TGM1: variants seen among roughly 807,000 people sequenced by gnomAD.
The protein encoded by TGM1 is protein-glutamine gamma-glutamyltransferase K.
Under a neutral mutation model 88.7 loss-of-function variants are expected in TGM1, and 63 were observed. That is an observed-to-expected ratio of 0.71 (90% CI 0.58 to 0.88). The LOEUF (loss-of-function observed/expected upper bound fraction) is 0.88, where lower values mean the gene tolerates loss of function less well. Ranked by LOEUF, TGM1 falls within the 40% of genes least tolerant of loss-of-function variation. The pLI is 0.00. For missense variants in TGM1, 996 were observed against 1,118.0 expected, an observed-to-expected ratio of 0.89 and a Z score of 1.56; for synonymous variants, 415 against 431.1, an observed-to-expected ratio of 0.96 and a Z score of 0.46.
At chr14:24,252,785 A>G (rs2040712718) in intron 14 of TGM1, among the ~76,000 whole-genome samples, 1 of 152,140 alleles carries the variant, frequency 6.6e-6, no homozygotes. Context: ...TCCCCACCCC[A>G]AGCCATTGTT....
chr14:24,250,811 G>A (rs1439068891), intron 14 of TGM1, among the ~76,000 whole-genome samples: 1 of 152,176 alleles, frequency 6.6e-6, no homozygotes, highest in East Asian at 1.9e-4. Context: ...GTGCCTGTGG[G>A]AATTTGTCCT....
intron 14 of TGM1, among the ~76,000 whole-genome samples, chr14:24,252,418 G>A (rs2040708686): frequency 6.6e-6 from 1 of 152,240 alleles, no homozygotes; most frequent in African/African-American, 2.4e-5. Flanking sequence ...AAGGCCTGGT[G>A]GGGCTGCTGA....
chr14:24,262,445 A>G, intron 1 of TGM1, 91 bp from the exon 2 acceptor site: 1 of 1,367,836 alleles, frequency 7.3e-7, no homozygotes, highest in Non-Finnish European at 1.0e-6. Context: ...ATTCAGTCCC[A>G]CCCGATGACC....
chr14:24,259,968 A>G lies in TGM1; in HGVS notation c.848T>C (p.Ile283Thr), dbSNP rs1262431048. 6.2e-7 allele frequency: 1 copy of G among 1,614,102 alleles called. No homozygotes were observed. The highest frequency in any genetic ancestry group is 2.2e-5 in the East Asian group (1 of 44,882). ...GCCGTAGTTCCAGGTCCGCTCACCA[A>G]TCTGTGCTTCGGTCCCGTAGTAAAT... Reference protein sequence around the residue: ...GRIYYGTEAQIGERTWNYGQF... With the variant: ...GRIYYGTEAQTGERTWNYGQF... Residue 283 changes from isoleucine (I) to threonine (T), a missense_variant, in exon 5 of 15, where the codon ATT becomes ACT. Ile to Thr is a moderately conservative substitution (Grantham distance 89, BLOSUM62 -1). Transcript: ENST00000206765. This position sits in a 1 kb window ranked among gnomAD's most constrained non-coding sequence, Gnocchi z 5.7.
rs755121925 is a variant in TGM1 at position 24,255,691 on chromosome 14, G to C, written c.1492-174C>G. Among the ~76,000 whole-genome samples the C allele has an allele frequency of 1.3e-4, 20 of 152,206 alleles. No homozygotes were observed. The highest frequency in any genetic ancestry group is 2.4e-4 in the Non-Finnish European group (16 of 68,044). On this transcript the variant is annotated intron_variant, in intron 10 of 14. Coordinates refer to ENST00000206765, the MANE Select transcript of TGM1 (RefSeq NM_000359.3). This position sits in a 1 kb window ranked among gnomAD's most constrained non-coding sequence, Gnocchi z 4.0. ...TTCCAAGACGAGCCAGACGAGGCCA[G>C]AGTGCAGGGAAGAAGCTGGTCTGGG...
At chr14:24,251,050 T>C (rs1008068661) in intron 14 of TGM1, among the ~76,000 whole-genome samples, 1 of 152,220 alleles carries the variant, frequency 6.6e-6, no homozygotes, top group African/African-American at 2.4e-5. Context: ...ACTTGTTAGC[T>C]GTGAGGCTTA....
In TGM1 at chr14:24,254,048, C is replaced by G. The variant is rs150738130; in HGVS notation, c.2225+104G>C. On this transcript the variant is annotated intron_variant, in intron 14 of 14. Transcript: ENST00000206765. ...CCCAACCTGCTTGGTTGGGTCCTGA[C>G]AGAACATACTTGTCCAGACAGAGAG... 1.9e-4 allele frequency: 281 copies of G among 1,516,196 alleles called. 1 individual carries two copies. In the East Asian group the frequency reaches 6.8e-3, roughly 37 times the overall value. 93.9% of individuals were successfully genotyped at this position (1,516,196 alleles called of 1,614,324 possible). A position where few individuals can be genotyped will look rare whatever the true frequency, so the allele number is the denominator to read the frequency against.
chr14:24,252,805 G>T (rs990645804), intron 14 of TGM1, among the ~76,000 whole-genome samples: 1 of 152,166 alleles, frequency 6.6e-6, no homozygotes, highest in Non-Finnish European at 1.5e-5. Context: ...TCTTTCTCAG[G>T]AACTCGCTGT....
chr14:24,252,748 G>A (rs966874738), intron 14 of TGM1, among the ~76,000 whole-genome samples: 1 of 152,146 alleles, frequency 6.6e-6, no homozygotes, highest in African/African-American at 2.4e-5. Context: ...AAGTGGGCAG[G>A]GGGTCCTCTG....
rs770553130 is a variant in TGM1 at position 24,254,304 on chromosome 14, G to T, written c.2089-16C>A. On this transcript the variant is annotated splice_polypyrimidine_tract_variant and intron_variant, in intron 13 of 14. Coordinates refer to ENST00000206765, the MANE Select transcript of TGM1 (RefSeq NM_000359.3). ...CTCCCAGTAACTGAGAGAAAAAGAG[G>T]CCCATCCCCCACGTCAGAGACCCTG... The T allele has an allele frequency of 6.2e-7, 1 of 1,613,922 alleles. No homozygotes were observed. The highest frequency in any genetic ancestry group is 1.1e-5 in the South Asian group (1 of 91,052).
In TGM1 at chr14:24,261,730, T is replaced by G; in HGVS notation, c.473A>C (p.Glu158Ala). The change falls in exon 3 of 15, where the codon GAA becomes GCA. Residue 158 changes from glutamate to alanine, a missense_variant. Coordinates refer to ENST00000206765, the MANE Select transcript of TGM1 (RefSeq NM_000359.3). ...CTCAAGGGTGATGCGATCAGAGGAT[T>G]CATAGGTCCGGGACAGGAGGAGGAG... Reference protein sequence around the residue: ...HMLLLLSRTYESSDRITLELL... With the variant: ...HMLLLLSRTYASSDRITLELL... The G allele has an allele frequency of 6.2e-7, 1 of 1,614,036 alleles. No individual in the cohort carries two copies.
chr14:24,259,709 C>T lies in TGM1; in HGVS notation c.979G>A (p.Ala327Thr). Residue 327 changes from alanine to threonine, a missense_variant, in exon 6 of 15, where the codon GCC becomes ACC. Physicochemically the swap from Ala to Thr is moderately conservative, Grantham distance 58 (BLOSUM62 0). Coordinates refer to ENST00000206765, the MANE Select transcript of TGM1 (RefSeq NM_000359.3). This position sits in a 1 kb window ranked among gnomAD's most constrained non-coding sequence, Gnocchi z 5.7. ...DPVNVSRVIS[A>T]MVNSLDDNGV... ...AGAGATGTGAGGGTGCTCACCATGGCAGAGATGACCCGGGAGACATTGACT... is the reference window on the plus strand; with the variant it reads ...AGAGATGTGAGGGTGCTCACCATGGTAGAGATGACCCGGGAGACATTGACT... The T allele has an allele frequency of 1.2e-6, 2 of 1,610,458 alleles. No individual in the cohort carries two copies. Among genetic ancestry groups the T allele is most frequent in the Non-Finnish European group, 1.7e-6 (2 of 1,178,572 alleles).
At chr14:24,254,127 G>A (rs1335951400) in intron 14 of TGM1, 25 bp downstream of exon 14, 1 of 1,602,208 alleles carries the variant, frequency 6.2e-7, no homozygotes, top group Non-Finnish European at 8.5e-7. Flanking sequence ...GTGGAAGCAG[G>A]GGTAGGGGGA....
intron 9 of TGM1, among the ~76,000 whole-genome samples, chr14:24,257,672 G>A (rs1263930806): frequency 6.6e-6 from 1 of 152,158 alleles, no homozygotes; most frequent in African/African-American, 2.4e-5. Flanking sequence ...CCTTTGGAGT[G>A]GGTCAAAAAA....
rs1345886387 is a variant in TGM1, at chr14:24,256,612, G to A, written c.1403-535C>T. On this transcript the variant is annotated intron_variant, in intron 9 of 14. Coordinates refer to ENST00000206765, the MANE Select transcript of TGM1 (RefSeq NM_000359.3). ...GCTGCCCTTTCTACTGGGGGGAGCTGGTGGGAAATAGAGTCTGCCCTTATC... is the reference window on the plus strand; with the variant it reads ...GCTGCCCTTTCTACTGGGGGGAGCTAGTGGGAAATAGAGTCTGCCCTTATC... Among the ~76,000 whole-genome samples, 2 of 152,204 alleles carry A rather than the reference G, an allele frequency of 1.3e-5. 1 individual carries two copies. The highest frequency in any genetic ancestry group is 4.1e-4 in the South Asian group (2 of 4,826).
Position 24,254,772 on chromosome 14 carries a change from C to T in TGM1, c.1980G>A (p.Val660=), listed in dbSNP as rs775986936. Reference sequence around the variant, plus strand: ...CATTGAGCAGCATGGCCCCCTGGTCCACAAGATGGGGCCGGTATTCCTTGT... The same window carrying T: ...CATTGAGCAGCATGGCCCCCTGGTCTACAAGATGGGGCCGGTATTCCTTGT... ...VAYKEYRPHL[V]DQGAMLLNVS... is the part of the protein sequence containing the mutation. The change falls in exon 13 of 15, where the codon GTG becomes GTA. Residue 660 remains valine, a synonymous_variant. Transcript: ENST00000206765. 6.2e-7 allele frequency: 1 copy of T among 1,613,914 alleles called. No homozygotes were observed. Among genetic ancestry groups the T allele is most frequent in the Non-Finnish European group, 8.5e-7 (1 of 1,180,042 alleles).
rs767968492 is a variant in TGM1 at position 24,259,035 on chromosome 14, T to A, written c.1159+40A>T. 3.1e-6 allele frequency: 5 copies of A among 1,611,606 alleles called. No homozygotes were observed. ...AAGCCTGGCTTTCCTCCCTTCTCCCTGTAGGGCCCGGGCCACTCCTGTCCC... is the reference window on the plus strand; with the variant it reads ...AAGCCTGGCTTTCCTCCCTTCTCCCAGTAGGGCCCGGGCCACTCCTGTCCC... On this transcript the variant is annotated intron_variant, in intron 7 of 14. Coordinates refer to ENST00000206765, the MANE Select transcript of TGM1 (RefSeq NM_000359.3). The surrounding 1 kb of genome is among the most constrained non-coding windows in gnomAD (Gnocchi z 5.7).
intron 12 of TGM1, 32 bp from the exon 13 acceptor site, chr14:24,254,856 C>T (rs1240051123): frequency 6.2e-7 from 1 of 1,613,358 alleles, no homozygotes; most frequent in East Asian, 2.2e-5. Flanking sequence ...TCACTGAGGC[C>T]TGCTTCCCTA....
intron 9 of TGM1, among the ~76,000 whole-genome samples, chr14:24,257,410 C>T (rs2040762450): frequency 6.6e-6 from 1 of 152,296 alleles, no homozygotes. Flanking sequence ...TATGTGGACA[C>T]AGAAAAGAGA....
Sources: allele counts gnomAD v4.1 joint callset (sites outside exome capture counted in the v4.1 genomes callset), GRCh38; gene constraint gnomAD v4.1.1; non-coding constraint Gnocchi (gnomAD v3.1); transcripts MANE v1.5; gene names NCBI Gene and HGNC (gene_info 2026-07-23, HGNC 2026-07-21).